The following CDC25C variants were observed in gnomAD, a reference collection of about 807,000 sequenced individuals.
CDC25C encodes M-phase inducer phosphatase 3.
CDC25C carries 48 observed loss-of-function variants against 52.5 expected under a neutral mutation model. The observed-to-expected ratio is 0.91, with a 90% CI of 0.72 to 1.16. The LOEUF is 1.16. CDC25C is among the 50% of genes most tolerant of loss of function. CDC25C has a pLI of 0.00. For missense variants in CDC25C, 510 were observed against 566.1 expected, an observed-to-expected ratio of 0.90 and a Z score of 1.01; for synonymous variants, 187 against 206.5, an observed-to-expected ratio of 0.91 and a Z score of 0.81.
Position 138,327,092 on chromosome 5 carries a change from T to C in CDC25C, c.336-1038A>G, listed in dbSNP as rs536034804. Among the ~76,000 whole-genome samples the C allele has an allele frequency of 1.7e-4, 25 of 149,516 alleles. No homozygotes were observed. In the East Asian group the frequency reaches 4.8e-3, roughly 29 times the overall value. On this transcript the variant is annotated intron_variant, in intron 4 of 13. Coordinates refer to ENST00000323760, the MANE Select transcript of CDC25C (RefSeq NM_001790.5). ...CAACATGGTGAAACCCTGTCTCTAC[T>C]AAAAATACAAAAATTAGCTGGGCGT...
At chr5:138,296,735 A>G (rs774098006) in intron 7 of CDC25C, among the ~76,000 whole-genome samples, 2 of 148,924 alleles carry the variant, frequency 1.3e-5, no homozygotes, top group Non-Finnish European at 3.0e-5. Flanking sequence ...CCCCCAGAGT[A>G]GCTGGGACTA....
rs1266398380 is a variant in CDC25C at position 138,309,714 on chromosome 5, A to ATT, written c.615+9504_615+9505insAA. Among the ~76,000 whole-genome samples the ATT allele has an allele frequency of 1.3e-4, 7 of 55,764 alleles. No homozygotes were observed. In the East Asian group the frequency reaches 1.9e-3, roughly 15 times the overall value. 36.6% of individuals were successfully genotyped at this position (55,764 alleles called of 152,430 possible). On this transcript the variant is annotated intron_variant, in intron 7 of 13. Coordinates refer to ENST00000323760, the MANE Select transcript of CDC25C (RefSeq NM_001790.5). ...AACTAAAACCTCCCCTGGCTCTCAA[A>ATT]ATTTTTTTTTTTTTTTTTTGAGATG...
intron 7 of CDC25C, among the ~76,000 whole-genome samples, chr5:138,298,500 C>G (rs2126695786): frequency 6.6e-6 from 1 of 152,242 alleles, no homozygotes; most frequent in East Asian, 1.9e-4. Context: ...ACCTGTAATC[C>G]TAGCACTTTG....
Position 138,326,050 on chromosome 5 carries a change from G to T in CDC25C, c.340C>A (p.His114Asn), listed in dbSNP as rs1759829009. 1.2e-6 allele frequency: 2 copies of T among 1,614,198 alleles called. No homozygotes were observed. The highest frequency in any genetic ancestry group is 2.7e-5 in the African/African-American group (2 of 75,060). ...CTACATTTCATTAGGTGCTGGTCATGATTCCTGCAGATTAAAACAAACTGC... is the reference window on the plus strand; with the variant it reads ...CTACATTTCATTAGGTGCTGGTCATTATTCCTGCAGATTAAAACAAACTGC... ...LQEVHLAGMN[H>N]DQHLMKCSPA... is the part of the protein sequence containing the mutation. The change falls in exon 5 of 14, where the codon CAT becomes AAT. Residue 114 changes from histidine (H) to asparagine (N), a missense_variant. Transcript: ENST00000323760.
Position 138,287,158 on chromosome 5 carries a change from T to C in CDC25C, c.1026+11A>G. The C allele has an allele frequency of 1.3e-6, 2 of 1,593,732 alleles. No individual in the cohort carries two copies. Among genetic ancestry groups the C allele is most frequent in the South Asian group, 1.1e-5 (1 of 90,664 alleles). On this transcript the variant is annotated intron_variant, in intron 11 of 13. Transcript: ENST00000323760. ...AGCCCTCCCCTACTAATGGCCACAA[T>C]GTCGTCTCACCTGGATGTGTCCTCC...
At position 138,320,004 on chromosome 5, in the gene CDC25C, C is replaced by A. The variant is rs566953980; in HGVS notation, c.460-630G>T. Among the ~76,000 whole-genome samples the A allele has an allele frequency of 5.3e-5, 8 of 152,192 alleles. No individual in the cohort carries two copies. In the South Asian group the frequency reaches 1.7e-3, roughly 32 times the overall value. ...AAGCAATTCTACTTCTGAATATATA[C>A]CCAAAAGAATTAAAAGCAGGGGCCG... On this transcript the variant is annotated intron_variant, in intron 6 of 13. Coordinates refer to ENST00000323760, the MANE Select transcript of CDC25C (RefSeq NM_001790.5).
In CDC25C at chr5:138,313,995, C is replaced by CTTTCTTTCTTTA. The variant is rs1554117939; in HGVS notation, c.615+5223_615+5224insTAAAGAAAGAAA. ...TCTTTCTTTCTTTCTTTCTTTCTTT[C>CTTTCTTTCTTTA]TTTTTTTTTTTTTTTTGAGATGGAG... On this transcript the variant is annotated intron_variant, in intron 7 of 13. Transcript: ENST00000323760. Among the ~76,000 whole-genome samples, 9 of 112,676 alleles carry CTTTCTTTCTTTA rather than the reference C, an allele frequency of 8.0e-5. No individual in the cohort carries two copies. In the Admixed American group the frequency reaches 8.9e-4, roughly 11 times the overall value. 73.9% of individuals were successfully genotyped at this position (112,676 alleles called of 152,430 possible). A position where few individuals can be genotyped will look rare whatever the true frequency, so the allele number is the denominator to read the frequency against.
upstream of CDC25C, among the ~76,000 whole-genome samples, chr5:138,333,043 G>A (rs1760506449): frequency 6.6e-6 from 1 of 152,138 alleles, no homozygotes; most frequent in Non-Finnish European, 1.5e-5. Flanking sequence ...GGATGTCTGG[G>A]TTGCGGTTGC....
Position 138,285,699 on chromosome 5 carries a change from C to T in CDC25C, c.1415G>A (p.Ser472Asn). 1 of 1,613,818 alleles carries T rather than the reference C, an allele frequency of 6.2e-7. No individual in the cohort carries two copies. Among genetic ancestry groups the T allele is most frequent in the African/African-American group, 1.3e-5 (1 of 75,046 alleles). ...CCAGTGGCTGGAATGTTATCATGGG[C>T]TCATGTCCTTCACCAGAAGGGCAAT... ...EQIALLVKDM[S>N]P Residue 472 changes from serine (S) to asparagine (N), a missense_variant, in exon 14 of 14, where the codon AGC becomes AAC. Coordinates refer to ENST00000323760, the MANE Select transcript of CDC25C (RefSeq NM_001790.5).
intron 3 of CDC25C, among the ~76,000 whole-genome samples, chr5:138,329,068 C>T (rs1760122169): frequency 6.6e-6 from 1 of 152,116 alleles, no homozygotes; most frequent in Non-Finnish European, 1.5e-5. Context: ...CCATGCCAAA[C>T]TAACTTTTGT....
At chr5:138,319,194 A>G in intron 7 of CDC25C, 25 bp downstream of exon 7, 1 of 1,587,422 alleles carries the variant, frequency 6.3e-7, no homozygotes, top group Non-Finnish European at 8.6e-7. Context: ...GAAGAATACA[A>G]AGATACTACC....
intron 7 of CDC25C, among the ~76,000 whole-genome samples, chr5:138,294,494 A>G (rs1757020201): frequency 7.5e-6 from 1 of 133,722 alleles, no homozygotes; most frequent in African/African-American, 2.8e-5. Flanking sequence ...CCAACCACTC[A>G]GCTAATTTTT....
chr5:138,331,952 G>T, upstream of CDC25C: 1 of 962,564 alleles, frequency 1.0e-6, no homozygotes, highest in Non-Finnish European at 1.2e-6. Flanking sequence ...CTGGGGGCGT[G>T]TGCTTGCTCT....
chr5:138,320,143 A>G (rs1170504012), intron 6 of CDC25C, among the ~76,000 whole-genome samples: 1 of 152,102 alleles, frequency 6.6e-6, no homozygotes, highest in African/African-American at 2.4e-5. Context: ...CATCTCTACT[A>G]AAAATACAAA....
At chr5:138,313,996 T>TTTCTTTCC (rs745973255) in intron 7 of CDC25C, among the ~76,000 whole-genome samples, 9 of 63,772 alleles carry the variant, frequency 1.4e-4, no homozygotes, top group African/African-American at 4.5e-4. Context: ...TCTTTCTTTC[T>TTTCTTTCC]TTTTTTTTTT....
At chr5:138,307,490 C>CCTCAAA in intron 7 of CDC25C, among the ~76,000 whole-genome samples, 1 of 88,248 alleles carries the variant, frequency 1.1e-5, no homozygotes, top group Non-Finnish European at 2.0e-5. Context: ...GAGACTGCCA[C>CCTCAAA]AAAAAAAAAA....
At position 138,288,731 on chromosome 5, in the gene CDC25C, T is replaced by C. The variant is rs142365108; in HGVS notation, c.927+770A>G. On this transcript the variant is annotated intron_variant, in intron 10 of 13. Coordinates refer to ENST00000323760, the MANE Select transcript of CDC25C (RefSeq NM_001790.5). Reference sequence around the variant, plus strand: ...AAATCTGGAAGGCCATAGGAAAATATGACTAGTGGTTATCTCTGGTGATGA... The same window carrying C: ...AAATCTGGAAGGCCATAGGAAAATACGACTAGTGGTTATCTCTGGTGATGA... Among the ~76,000 whole-genome samples the C allele has an allele frequency of 6.0e-4, 92 of 152,248 alleles. No individual in the cohort carries two copies. The Middle Eastern group carries it at 0.01, about 17-fold the overall frequency.
At chr5:138,330,867 G>A (rs571367085) in intron 2 of CDC25C, 120 bp downstream of exon 2, 30 of 687,740 alleles carry the variant, frequency 4.4e-5, no homozygotes, top group Non-Finnish European at 7.1e-5. Flanking sequence ...ACAGTCAAGG[G>A]CAGAGTTGAG....
At chr5:138,301,861 AC>A (rs1177710789) in intron 7 of CDC25C, among the ~76,000 whole-genome samples, 19 of 149,232 alleles carry the variant, frequency 1.3e-4, no homozygotes, top group African/African-American at 4.7e-4. Flanking sequence ...GTGCCACTGC[AC>A]CTGGCTAATT....
Sources: allele counts gnomAD v4.1 joint callset (sites outside exome capture counted in the v4.1 genomes callset), GRCh38; gene constraint gnomAD v4.1.1; transcripts MANE v1.5; gene names NCBI Gene and HGNC (gene_info 2026-07-23, HGNC 2026-07-21).